KCNMB2: variants seen among roughly 807,000 people sequenced by gnomAD.
The protein encoded by KCNMB2 is potassium calcium-activated channel subfamily M regulatory beta subunit 2.
Under a neutral mutation model 24.5 loss-of-function variants are expected in KCNMB2, and 9 were observed. That is an observed-to-expected ratio of 0.37 (90% CI 0.22 to 0.64). The LOEUF is 0.64. Among genes scored for constraint, KCNMB2 ranks in the 30% least tolerant of loss-of-function variants. The pLI is 0.63. For synonymous variants in KCNMB2, 109 were observed against 104.4 expected (o/e 1.04, Z -0.27); for missense variants, 226 against 284.3 (o/e 0.79, Z 1.47).
At chr3:178,714,646 G>A (rs1053608768) in intron 1 of KCNMB2, among the ~76,000 whole-genome samples, 1 of 152,222 alleles carries the variant, frequency 6.6e-6, no homozygotes, top group Non-Finnish European at 1.5e-5. Context: ...CAATAATAAT[G>A]AGAAGACTCT....
chr3:178,614,523 G>T (rs981417294), intron 1 of KCNMB2, among the ~76,000 whole-genome samples: 20 of 151,362 alleles, frequency 1.3e-4, no homozygotes, highest in Middle Eastern at 3.4e-3. Flanking sequence ...ACTATCATGA[G>T]AACAGCATGG....
At chr3:178,657,018 C>T (rs939802098) in intron 1 of KCNMB2, among the ~76,000 whole-genome samples, 2 of 152,136 alleles carry the variant, frequency 1.3e-5, no homozygotes, top group Non-Finnish European at 2.9e-5. Flanking sequence ...TATGCTGGCC[C>T]TCCGCCACTT....
intron 1 of KCNMB2, among the ~76,000 whole-genome samples, chr3:178,800,845 A>G (rs1326359064): frequency 6.6e-6 from 1 of 152,206 alleles, no homozygotes; most frequent in Non-Finnish European, 1.5e-5. Flanking sequence ...CTATTCAGCC[A>G]TAAAAAAATA....
intron 1 of KCNMB2, among the ~76,000 whole-genome samples, chr3:178,708,320 T>C (rs184782447): frequency 6.6e-6 from 1 of 152,200 alleles, no homozygotes; most frequent in Admixed American, 6.5e-5. Flanking sequence ...GTAATAATGA[T>C]AATGGTGATG....
Position 178,585,191 on chromosome 3 carries a change from TATG to T in KCNMB2, c.-68+48481_-68+48483del, listed in dbSNP as rs139284568. On this transcript the variant is annotated intron_variant, in intron 1 of 4. Transcript: ENST00000452583. ...GGCAAATAGCGACTCTAGAAACGCT[TATG>T]TTTTTCAGACTTTGGCAGAACTTGT... is the stretch of plus-strand genomic sequence containing the variant. 5.0e-3 allele frequency among the ~76,000 whole-genome samples: 756 copies of T among 152,318 alleles called. 1 individual carries two copies. Among genetic ancestry groups the T allele is most frequent in the African/African-American group, 0.017 (711 of 41,582 alleles).
At chr3:178,770,845 C>T (rs752778973) in intron 1 of KCNMB2, among the ~76,000 whole-genome samples, 37 of 152,242 alleles carry the variant, frequency 2.4e-4, no homozygotes, top group Admixed American at 1.8e-3. Flanking sequence ...TTCCAGGAGA[C>T]GTACCTCACA....
intron 1 of KCNMB2, among the ~76,000 whole-genome samples, chr3:178,556,682 G>A (rs946344816): frequency 2.6e-5 from 4 of 152,168 alleles, no homozygotes; most frequent in Non-Finnish European, 5.9e-5. Context: ...TGGGATTACA[G>A]GTGTAAGCCA....
intron 1 of KCNMB2, among the ~76,000 whole-genome samples, chr3:178,655,607 A>C (rs73042376): frequency 0.18 from 26,816 of 152,192 alleles, 2,454 homozygotes; most frequent in Admixed American, 0.25. Flanking sequence ...CGACAAAACA[A>C]AACGGAGAGA....
At chr3:178,818,274 G>C (rs1001040018) in intron 2 of KCNMB2, among the ~76,000 whole-genome samples, 5 of 152,078 alleles carry the variant, frequency 3.3e-5, no homozygotes, top group African/African-American at 1.2e-4. Flanking sequence ...TTGTTTGTTT[G>C]TTTGTTCTTA....
At chr3:178,777,753 G>A (rs908397526) in intron 1 of KCNMB2, among the ~76,000 whole-genome samples, 15 of 152,180 alleles carry the variant, frequency 9.9e-5, no homozygotes, top group Admixed American at 9.2e-4. Flanking sequence ...GGTCTCAGAT[G>A]ACAAAGGGCT....
At chr3:178,789,448 TCAGGTGAG>T in intron 1 of KCNMB2, among the ~76,000 whole-genome samples, 1 of 151,918 alleles carries the variant, frequency 6.6e-6, no homozygotes, top group East Asian at 1.9e-4. Context: ...GAAGCAAAAA[TCAGGTGAG>T]CAGTCACAGT....
At chr3:178,649,524 A>T (rs543712031) in intron 1 of KCNMB2, among the ~76,000 whole-genome samples, 151 of 150,900 alleles carry the variant, frequency 1.0e-3, no homozygotes, top group Non-Finnish European at 1.6e-3. Flanking sequence ...TTGGTAGGCT[A>T]TTAATTACTG....
At position 178,608,894 on chromosome 3, in the gene KCNMB2, T is replaced by C. The variant is rs142467082; in HGVS notation, c.-68+72183T>C. Among the ~76,000 whole-genome samples the C allele has an allele frequency of 4.5e-4, 68 of 152,352 alleles. No individual in the cohort carries two copies. The East Asian group carries it at 8.7e-3, about 19-fold the overall frequency. On this transcript the variant is annotated intron_variant, in intron 1 of 4. Coordinates refer to ENST00000452583, the MANE Select transcript of KCNMB2 (RefSeq NM_181361.3). Reference sequence around the variant, plus strand: ...TTTTCTTTACCTGTTTATCTGTTGATGGACACTTAGGTTGCTTCCAAATCT... The same window carrying C: ...TTTTCTTTACCTGTTTATCTGTTGACGGACACTTAGGTTGCTTCCAAATCT...
chr3:178,772,755 A>T (rs1712425739), intron 1 of KCNMB2, among the ~76,000 whole-genome samples: 6 of 152,210 alleles, frequency 3.9e-5, no homozygotes, highest in Admixed American at 3.9e-4. Context: ...TTTAAAAATG[A>T]CTTGTTTGGC....
At chr3:178,580,544 AG>A (rs1425213697) in intron 1 of KCNMB2, among the ~76,000 whole-genome samples, 7 of 152,112 alleles carry the variant, frequency 4.6e-5, no homozygotes, top group Non-Finnish European at 7.4e-5. Flanking sequence ...AAGAAATAAA[AG>A]GTATTCAAAT....
intron 1 of KCNMB2, among the ~76,000 whole-genome samples, chr3:178,778,455 GACACACACACACACACACACACACAC>G (rs71628070): frequency 3.9e-5 from 5 of 127,452 alleles, no homozygotes; most frequent in Admixed American, 1.6e-4. Context: ...TACCCTTTAA[GACACACACACACACACACACACACAC>G]ACACACACAC....
intron 1 of KCNMB2, among the ~76,000 whole-genome samples, chr3:178,573,745 T>TC (rs1716892225): frequency 2.5e-5 from 1 of 40,398 alleles, no homozygotes; most frequent in Non-Finnish European, 4.3e-5. Flanking sequence ...AGACCCTGTC[T>TC]CAAAAAAAAA....
At chr3:178,559,428 T>C (rs984336313) in intron 1 of KCNMB2, among the ~76,000 whole-genome samples, 1 of 152,072 alleles carries the variant, frequency 6.6e-6, no homozygotes, top group Non-Finnish European at 1.5e-5. Flanking sequence ...AGAATTTTCT[T>C]GTATTTGAAC....
chr3:178,567,067 C>T (rs114586206), intron 1 of KCNMB2, among the ~76,000 whole-genome samples: 3,100 of 152,230 alleles, frequency 0.02, 90 homozygotes, highest in African/African-American at 0.071. Context: ...TTCAAATGAG[C>T]GTATCGTGAC....
Sources: allele counts gnomAD v4.1 joint callset (sites outside exome capture counted in the v4.1 genomes callset), GRCh38; gene constraint gnomAD v4.1.1; transcripts MANE v1.5; gene names NCBI Gene and HGNC (gene_info 2026-07-23, HGNC 2026-07-21).